The following CASK variants were observed in gnomAD, a reference collection of about 807,000 sequenced individuals.
The protein encoded by CASK is peripheral plasma membrane protein CASK.
In CASK, 4 loss-of-function variants were observed where a neutral mutation model predicts 82.9. The ratio of observed to expected loss-of-function variants is 0.05; its 90% CI spans 0.02 to 0.11. The LOEUF (loss-of-function observed/expected upper bound fraction) is 0.11, where lower values mean the gene tolerates loss of function less well. Ranked by LOEUF, CASK falls within the 10% of genes least tolerant of loss-of-function variation. CASK has a pLI of 1.00. For synonymous variants in CASK, 259 were observed against 253.5 expected, an observed-to-expected ratio of 1.02 and a Z score of -0.20; for missense variants, 358 against 720.9, an observed-to-expected ratio of 0.50 and a Z score of 5.76.
intron 2 of CASK, among the ~76,000 whole-genome samples, chrX:41,814,891 T>C (rs1279159721): frequency 9.0e-6 from 1 of 111,263 alleles, no homozygotes; most frequent in Non-Finnish European, 1.9e-5. Context: ...ACTGAGACAA[T>C]AGGCAGTAAA....
At chrX:41,772,766 G>A (rs1023546570) in intron 3 of CASK, among the ~76,000 whole-genome samples, 7 of 111,198 alleles carry the variant, frequency 6.3e-5, no homozygotes, top group Non-Finnish European at 1.3e-4. Flanking sequence ...TTAGGAGGCC[G>A]AGGCGGGCGG....
intron 7 of CASK, among the ~76,000 whole-genome samples, chrX:41,664,585 G>A (rs1193153860): frequency 4.5e-5 from 5 of 111,946 alleles, no homozygotes; most frequent in South Asian, 3.7e-4. Flanking sequence ...ACTGTCAGTC[G>A]TACCTTGTGG....
At chrX:41,536,927 T>A (rs766252837) in intron 22 of CASK, among the ~76,000 whole-genome samples, 2 of 111,633 alleles carry the variant, frequency 1.8e-5, no homozygotes, top group Non-Finnish European at 3.8e-5. Flanking sequence ...GATATTTCCA[T>A]CAAGAAAAAG....
intron 12 of CASK, among the ~76,000 whole-genome samples, chrX:41,591,764 C>T (rs1350096456): frequency 9.1e-6 from 1 of 109,773 alleles, no homozygotes; most frequent in Non-Finnish European, 1.9e-5. Context: ...CGTGAGCCAC[C>T]GTGCCCAGCC....
At chrX:41,593,518 G>A (rs2065775509) in intron 12 of CASK, among the ~76,000 whole-genome samples, 1 of 111,669 alleles carries the variant, frequency 9.0e-6, no homozygotes. Context: ...CCAAAAATCT[G>A]TATAACCAAA....
intron 5 of CASK, among the ~76,000 whole-genome samples, chrX:41,679,527 G>C (rs1166143569): frequency 1.8e-5 from 2 of 111,714 alleles, no homozygotes; most frequent in Non-Finnish European, 3.8e-5. Flanking sequence ...AGACATTTAG[G>C]CTATTTCTAG....
intron 3 of CASK, among the ~76,000 whole-genome samples, chrX:41,761,973 T>C (rs2069006669): frequency 8.9e-6 from 1 of 112,308 alleles, no homozygotes; most frequent in Admixed American, 9.5e-5. Context: ...TAATAGCTAA[T>C]AGCAAAGATT....
intron 5 of CASK, chrX:41,689,914 G>A (rs1431172515): frequency 9.0e-6 from 1 of 111,279 alleles, no homozygotes; most frequent in African/African-American, 3.3e-5. Context: ...CTCATCTGGA[G>A]TCACAGTGGA....
At chrX:41,874,070 C>T (rs1409754772) in intron 1 of CASK, among the ~76,000 whole-genome samples, 4 of 111,474 alleles carry the variant, frequency 3.6e-5, no homozygotes, top group Non-Finnish European at 5.7e-5. Context: ...GGATTACAGG[C>T]GTGAGCCACC....
At chrX:41,530,966 T>C (rs778572322) in intron 25 of CASK, 41 bp downstream of exon 25, 6 of 1,104,329 alleles carry the variant, frequency 5.4e-6, no homozygotes, top group Non-Finnish European at 6.3e-6. Flanking sequence ...CTTATTGGCA[T>C]GCAGGCAGGA....
intron 3 of CASK, chrX:41,786,790 GGAAC>G: frequency 5.3e-6 from 1 of 188,703 alleles, no homozygotes; most frequent in Non-Finnish European, 9.8e-6. Flanking sequence ...TATCAAAAGA[GGAAC>G]TAAGTCTGTC....
chrX:41,882,041 G>C (rs2071962691), intron 1 of CASK, among the ~76,000 whole-genome samples: 1 of 111,113 alleles, frequency 9.0e-6, no homozygotes, highest in Admixed American at 9.6e-5. Flanking sequence ...ATATATATAA[G>C]ATAAAATGTT....
chrX:41,567,315 G>A lies in CASK; in HGVS notation c.1582+2353C>T, dbSNP rs1341879928. On this transcript the variant is annotated intron_variant, in intron 16 of 26. Coordinates refer to ENST00000378163, the MANE Select transcript of CASK (RefSeq NM_001367721.1). ...AGTGAACAGGCAACCTACAGAATGG[G>A]AGAGAATTTTTGCAATCTACCCATC... Among the ~76,000 whole-genome samples the A allele has an allele frequency of 2.7e-5, 3 of 111,941 alleles. No homozygotes were observed. In the South Asian group the frequency reaches 1.1e-3, roughly 41 times the overall value.
intron 5 of CASK, chrX:41,727,934 GCA>G: frequency 4.2e-6 from 5 of 1,180,706 alleles, no homozygotes; most frequent in Non-Finnish European, 5.8e-6. Flanking sequence ...GCCAGAAGTA[GCA>G]CAGACCCCAT....
chrX:41,627,872 C>T (rs918715692), intron 9 of CASK, among the ~76,000 whole-genome samples: 3 of 111,512 alleles, frequency 2.7e-5, no homozygotes, highest in East Asian at 2.8e-4. Context: ...GGCATGGTGG[C>T]GCATGCCTGT....
chrX:41,915,791 C>A (rs566231554), intron 1 of CASK, among the ~76,000 whole-genome samples: 6 of 108,304 alleles, frequency 5.5e-5, no homozygotes, highest in African/African-American at 1.7e-4. Context: ...AGATCAAGAC[C>A]ATCCTGGCTT....
intron 14 of CASK, among the ~76,000 whole-genome samples, chrX:41,582,297 G>A (rs1309270703): frequency 8.9e-6 from 1 of 111,864 alleles, no homozygotes; most frequent in Non-Finnish European, 1.9e-5. Flanking sequence ...CAATGGCCTG[G>A]AAGGCTTTTA....
chrX:41,702,566 C>A (rs1365832618), intron 5 of CASK, among the ~76,000 whole-genome samples: 2 of 110,688 alleles, frequency 1.8e-5, no homozygotes, highest in East Asian at 2.8e-4. Flanking sequence ...GAGGCCAAGG[C>A]GGGCAGATCA....
chrX:41,639,918 C>G (rs916917760), intron 8 of CASK, among the ~76,000 whole-genome samples: 1 of 111,691 alleles, frequency 9.0e-6, no homozygotes, highest in African/African-American at 3.3e-5. Context: ...TAGTTCATTC[C>G]TTTTTAACAC....
Sources: allele counts gnomAD v4.1 joint callset (sites outside exome capture counted in the v4.1 genomes callset), GRCh38; gene constraint gnomAD v4.1.1; transcripts MANE v1.5; gene names NCBI Gene and HGNC (gene_info 2026-07-23, HGNC 2026-07-21).